The following PCBP3 variants were observed in gnomAD, a reference collection of about 807,000 sequenced individuals.
PCBP3 encodes poly(rC) binding protein 3.
PCBP3 carries 25 observed loss-of-function variants against 52.7 expected under a neutral mutation model. That is an observed-to-expected ratio of 0.47 (90% CI 0.35 to 0.66). The LOEUF (loss-of-function observed/expected upper bound fraction) is 0.66, where lower values mean the gene tolerates loss of function less well. Among genes scored for constraint, PCBP3 ranks in the 30% least tolerant of loss-of-function variants. The pLI, the probability that PCBP3 is intolerant of heterozygous loss-of-function variation, is 0.01. For synonymous variants in PCBP3, 162 were observed against 183.0 expected, an observed-to-expected ratio of 0.89 and a Z score of 0.93; for missense variants, 391 against 490.3, an observed-to-expected ratio of 0.80 and a Z score of 1.91.
chr21:45,819,048 C>T (rs1019667017), intron 4 of PCBP3, among the ~76,000 whole-genome samples: 1 of 152,182 alleles, frequency 6.6e-6, no homozygotes, highest in African/African-American at 2.4e-5. Context: ...ACTTTTACTA[C>T]AGGGAAAATA....
rs1047871399 is a variant in PCBP3, at chr21:45,704,545, G to A, written c.-199-30847G>A. On this transcript the variant is annotated intron_variant, in intron 2 of 17. Transcript: ENST00000681687. This position sits in a 1 kb window ranked among gnomAD's most constrained non-coding sequence, Gnocchi z 4.1. ...CAGGGGAGTGCTGTCTGCTGCTGGC[G>A]GTGGGGGGCGGTGATCGGATATGGG... Among the ~76,000 whole-genome samples the A allele has an allele frequency of 5.3e-5, 8 of 152,130 alleles. No homozygotes were observed. The highest frequency in any genetic ancestry group is 1.3e-4 in the Admixed American group (2 of 15,280).
intron 4 of PCBP3, among the ~76,000 whole-genome samples, chr21:45,789,203 C>T (rs2091362962): frequency 1.3e-5 from 2 of 152,190 alleles, no homozygotes. Context: ...TGTGTGTCTG[C>T]ACATGCAAAT....
At chr21:45,807,732 T>C (rs1448390739) in intron 4 of PCBP3, among the ~76,000 whole-genome samples, 3 of 151,222 alleles carry the variant, frequency 2.0e-5, no homozygotes, top group Non-Finnish European at 4.4e-5. Context: ...GCTAAGACAA[T>C]TCTAAGCAAA....
intron 4 of PCBP3, among the ~76,000 whole-genome samples, chr21:45,784,589 T>C (rs1045854273): frequency 6.6e-6 from 1 of 151,878 alleles, no homozygotes; most frequent in African/African-American, 2.4e-5. Flanking sequence ...GCCTGCCGAG[T>C]GCCTGCAATT....
At position 45,784,411 on chromosome 21, in the gene PCBP3, T is replaced by C. The variant is rs1569218012; in HGVS notation, c.-126+28959T>C. Among the ~76,000 whole-genome samples, 290 of 141,086 alleles carry C rather than the reference T, an allele frequency of 2.1e-3. 2 individuals are homozygous for C. The highest frequency in any genetic ancestry group is 8.1e-3 in the Middle Eastern group (2 of 248). The allele number at this position is 141,086 out of a possible 152,430, so 92.6% of individuals were successfully genotyped here. A position where few individuals can be genotyped will look rare whatever the true frequency, so the allele number is the denominator to read the frequency against. On this transcript the variant is annotated intron_variant, in intron 4 of 17. Coordinates refer to ENST00000681687, the MANE Select transcript of PCBP3 (RefSeq NM_001384156.1). Reference sequence around the variant, plus strand: ...CTACCTCTACCGCTACCTCTACCGCTACCGCTACCCCTACCTCCTACCTCC... The same window carrying C: ...CTACCTCTACCGCTACCTCTACCGCCACCGCTACCCCTACCTCCTACCTCC...
chr21:45,683,830 G>A (rs1195652915), intron 2 of PCBP3, among the ~76,000 whole-genome samples: 2 of 151,986 alleles, frequency 1.3e-5, no homozygotes, highest in African/African-American at 4.8e-5. Flanking sequence ...GGAGGCTGAG[G>A]CAGGAGAATG....
At chr21:45,717,292 G>T (rs2084289045) in intron 2 of PCBP3, among the ~76,000 whole-genome samples, 1 of 151,994 alleles carries the variant, frequency 6.6e-6, no homozygotes, top group South Asian at 2.1e-4. Context: ...AGAGATATTT[G>T]TATTTTTCCT....
At chr21:45,730,333 C>T (rs979405394) in intron 2 of PCBP3, among the ~76,000 whole-genome samples, 1 of 151,828 alleles carries the variant, frequency 6.6e-6, no homozygotes. Context: ...TGGAAAACTT[C>T]CCAAATACTT....
At chr21:45,728,294 T>C (rs1184919032) in intron 2 of PCBP3, among the ~76,000 whole-genome samples, 4 of 152,250 alleles carry the variant, frequency 2.6e-5, no homozygotes, top group Non-Finnish European at 1.5e-5. Context: ...ATTTTTATCA[T>C]GAGTTAATAC....
chr21:45,855,893 C>A (rs1217757422), intron 5 of PCBP3, among the ~76,000 whole-genome samples: 1 of 152,242 alleles, frequency 6.6e-6, no homozygotes, highest in Non-Finnish European at 1.5e-5. Flanking sequence ...AAATTCCTAT[C>A]TAAGGAGCCT....
intron 5 of PCBP3, among the ~76,000 whole-genome samples, chr21:45,883,837 C>T (rs551445303): frequency 6.6e-6 from 1 of 152,306 alleles, no homozygotes; most frequent in African/African-American, 2.4e-5. Flanking sequence ...CCACTCTGCC[C>T]ATCTGTGCTT....
chr21:45,839,740 G>A (rs947847144), intron 4 of PCBP3, among the ~76,000 whole-genome samples: 2 of 152,138 alleles, frequency 1.3e-5, no homozygotes, highest in Admixed American at 1.3e-4. Context: ...AGGCTGGAGG[G>A]CAGTGGTACG....
rs1019304903 is a variant in PCBP3 at position 45,913,862 on chromosome 21, T to A, written c.601-89T>A. 5 of 1,220,764 alleles carry A rather than the reference T, an allele frequency of 4.1e-6. No individual in the cohort carries two copies. The African/African-American group carries it at 7.5e-5, about 18-fold the overall frequency. 75.6% of individuals were successfully genotyped at this position (1,220,764 alleles called of 1,614,324 possible). On this transcript the variant is annotated intron_variant, in intron 11 of 17. Coordinates refer to ENST00000681687, the MANE Select transcript of PCBP3 (RefSeq NM_001384156.1). ...GGAGCGTGGAGCTGGTGCAGGGGGC[T>A]GAGTGGGGTGGGCCGGGGCACGCCT...
chr21:45,826,354 G>A (rs561987982), intron 4 of PCBP3, among the ~76,000 whole-genome samples: 1 of 152,276 alleles, frequency 6.6e-6, no homozygotes, highest in Admixed American at 6.5e-5. Context: ...CAACTTTCCT[G>A]TTAAAAGACA....
chr21:45,911,391 G>C lies in PCBP3; in HGVS notation c.600+361G>C, dbSNP rs1198088290. ...CTCTTTACGTTGGAGTCAGGCCTTGGGGGGCAGCTGGGGGTGGGAGGGAGG... is the reference window on the plus strand; with the variant it reads ...CTCTTTACGTTGGAGTCAGGCCTTGCGGGGCAGCTGGGGGTGGGAGGGAGG... On this transcript the variant is annotated intron_variant, in intron 11 of 17. Transcript: ENST00000681687. 5.7e-5 allele frequency: 16 copies of C among 281,924 alleles called. No individual in the cohort carries two copies. The Admixed American group carries it at 7.7e-4, about 14-fold the overall frequency. The allele number at this position is 281,924 out of a possible 1,614,324, so 17.5% of individuals were successfully genotyped here.
At chr21:45,905,030 C>T (rs1209803407) in intron 9 of PCBP3, among the ~76,000 whole-genome samples, 1 of 152,224 alleles carries the variant, frequency 6.6e-6, no homozygotes, top group African/African-American at 2.4e-5. Context: ...TCTGGTACCA[C>T]AGCCAGCTGA....
intron 1 of PCBP3, among the ~76,000 whole-genome samples, chr21:45,668,397 G>A (rs1015080927): frequency 6.6e-5 from 10 of 152,034 alleles, no homozygotes; most frequent in South Asian, 2.1e-4. Context: ...AGTGAGCTCC[G>A]TGTCAGGTCA....
Position 45,643,815 on chromosome 21 carries a change from G to T in PCBP3, c.-332G>T, listed in dbSNP as rs1353644698. On this transcript the variant is annotated 5_prime_UTR_variant, in exon 1 of 18. Transcript: ENST00000681687. ...ACCCGCCTCGCCCCGACCCCGCCCG[G>T]GCCTCCCGGCCTCTCCCCGCCGGCC... is the stretch of plus-strand genomic sequence containing the variant. 1 of 147,982 alleles carries T rather than the reference G, an allele frequency of 6.8e-6. No individual in the cohort carries two copies. The highest frequency in any genetic ancestry group is 1.5e-5 in the Non-Finnish European group (1 of 66,326). 9.2% of individuals were successfully genotyped at this position (147,982 alleles called of 1,614,324 possible). A position where few individuals can be genotyped will look rare whatever the true frequency, so the allele number is the denominator to read the frequency against.
At chr21:45,645,480 A>G (rs2079193677) in intron 1 of PCBP3, among the ~76,000 whole-genome samples, 2 of 152,182 alleles carry the variant, frequency 1.3e-5, no homozygotes, top group African/African-American at 4.8e-5. Context: ...GGACCTCAAA[A>G]CATCACTTTC....
Sources: allele counts gnomAD v4.1 joint callset (sites outside exome capture counted in the v4.1 genomes callset), GRCh38; gene constraint gnomAD v4.1.1; non-coding constraint Gnocchi (gnomAD v3.1); transcripts MANE v1.5; gene names NCBI Gene and HGNC (gene_info 2026-07-23, HGNC 2026-07-21).